The following STAG1 variants were observed in gnomAD, a reference collection of about 807,000 sequenced individuals.
The protein encoded by STAG1 is cohesin subunit SA-1.
In STAG1, 26 loss-of-function variants were observed where a neutral mutation model predicts 170.9. That is an observed-to-expected ratio of 0.15 (90% CI 0.11 to 0.21). The LOEUF is 0.21. Ranked by LOEUF, STAG1 falls within the 10% of genes least tolerant of loss-of-function variation. The pLI is 1.00. For missense variants in STAG1, 964 were observed against 1,509.5 expected, an observed-to-expected ratio of 0.64 and a Z score of 5.99; for synonymous variants, 514 against 497.7, an observed-to-expected ratio of 1.03 and a Z score of -0.44.
chr3:136,593,162 T>C (rs1282990452), intron 4 of STAG1, among the ~76,000 whole-genome samples: 1 of 152,188 alleles, frequency 6.6e-6, no homozygotes, highest in African/African-American at 2.4e-5. Context: ...CACCATGCTC[T>C]GGTCACTCGC....
chr3:136,379,480 G>A (rs951800218), intron 22 of STAG1, among the ~76,000 whole-genome samples: 21 of 152,204 alleles, frequency 1.4e-4, no homozygotes, highest in Admixed American at 1.1e-3. Context: ...AGGCTGAGAC[G>A]GCCAGATCAC....
At chr3:136,406,375 A>T (rs1220167382) in intron 21 of STAG1, among the ~76,000 whole-genome samples, 1 of 152,218 alleles carries the variant, frequency 6.6e-6, no homozygotes, top group Admixed American at 6.5e-5. Flanking sequence ...AAAACAAATC[A>T]CTGATGTCCA....
chr3:136,438,240 C>CTTTTTTTTTT (rs371190637), intron 15 of STAG1, among the ~76,000 whole-genome samples: 2 of 128,206 alleles, frequency 1.6e-5, no homozygotes, highest in Non-Finnish European at 3.2e-5. Context: ...AGTTTCTTTT[C>CTTTTTTTTTT]TTTTTTTTTT....
intron 14 of STAG1, among the ~76,000 whole-genome samples, chr3:136,449,246 G>C (rs892044069): frequency 6.6e-6 from 1 of 151,870 alleles, no homozygotes; most frequent in Non-Finnish European, 1.5e-5. Context: ...ACTATTTGCA[G>C]TTGCTTTTGT....
At chr3:136,513,827 AAAGAT>A (rs1315408509) in intron 7 of STAG1, among the ~76,000 whole-genome samples, 1 of 152,296 alleles carries the variant, frequency 6.6e-6, no homozygotes, top group Non-Finnish European at 1.5e-5. Context: ...AAAGAAAACA[AAAGAT>A]AATAGGGGAT....
intron 1 of STAG1, among the ~76,000 whole-genome samples, chr3:136,639,987 T>A (rs1374296213): frequency 6.6e-6 from 1 of 152,196 alleles, no homozygotes; most frequent in Non-Finnish European, 1.5e-5. Flanking sequence ...AAAGGCCTTA[T>A]CTAATCAACC....
chr3:136,653,954 C>T (rs902314086), intron 1 of STAG1, among the ~76,000 whole-genome samples: 42 of 152,206 alleles, frequency 2.8e-4, no homozygotes, highest in African/African-American at 9.9e-4. Context: ...ATAACAAGAA[C>T]ACTAAGCAAA....
intron 21 of STAG1, among the ~76,000 whole-genome samples, chr3:136,404,215 C>T (rs2087416318): frequency 6.6e-6 from 1 of 152,114 alleles, no homozygotes; most frequent in Non-Finnish European, 1.5e-5. Flanking sequence ...CTCTTTCTGC[C>T]TTGGATTAAC....
At chr3:136,393,442 G>A (rs780935183) in intron 22 of STAG1, among the ~76,000 whole-genome samples, 2 of 152,134 alleles carry the variant, frequency 1.3e-5, no homozygotes, top group Non-Finnish European at 2.9e-5. Flanking sequence ...GGGAGACGGA[G>A]CTTGCAGTGA....
intron 3 of STAG1, among the ~76,000 whole-genome samples, chr3:136,609,959 T>G (rs1056920030): frequency 6.6e-6 from 1 of 151,122 alleles, no homozygotes; most frequent in African/African-American, 2.4e-5. Context: ...GTCCTGAATT[T>G]AAAAAAAAAA....
chr3:136,461,305 A>G (rs1023576316), intron 13 of STAG1, among the ~76,000 whole-genome samples: 4 of 152,204 alleles, frequency 2.6e-5, no homozygotes, highest in African/African-American at 9.6e-5. Context: ...TTTATACAAC[A>G]TAGTACTAAA....
intron 16 of STAG1, among the ~76,000 whole-genome samples, chr3:136,429,416 AAAAGACTACACC>A: frequency 6.6e-6 from 1 of 152,182 alleles, no homozygotes; most frequent in Non-Finnish European, 1.5e-5. Flanking sequence ...TCAAAAACAA[AAAAGACTACACC>A]AGAGGAACTA....
chr3:136,581,383 C>T (rs1937587422), intron 4 of STAG1, among the ~76,000 whole-genome samples: 2 of 152,030 alleles, frequency 1.3e-5, no homozygotes, highest in Non-Finnish European at 2.9e-5. Flanking sequence ...AAAAACAATC[C>T]CTAATATTTT....
In STAG1 at chr3:136,580,518, ATTC is replaced by A. The variant is rs1201807092; in HGVS notation, c.298-11660_298-11658del. ...CTGAGTTTGCATTTATTCTTGTATA[ATTC>A]TTTTTTTTTTTTTTTTTTTTTTTGA... is the stretch of plus-strand genomic sequence containing the variant. On this transcript the variant is annotated intron_variant, in intron 4 of 33. Transcript: ENST00000383202. 4.4e-4 allele frequency among the ~76,000 whole-genome samples: 62 copies of A among 141,350 alleles called. No individual in the cohort carries two copies. The South Asian group carries it at 0.014, about 31-fold the overall frequency. 92.7% of individuals were successfully genotyped at this position (141,350 alleles called of 152,430 possible).
Position 136,338,179 on chromosome 3 carries a change from C to CA in STAG1, c.*74dup. On this transcript the variant is annotated 3_prime_UTR_variant, in exon 34 of 34. Transcript: ENST00000383202. ...AGATCACATCAAAAGTGTTTTTCCC[C>CA]ATACAAGCTATCACAGTATATAGGC... The CA allele has an allele frequency of 1.0e-6, 1 of 985,380 alleles. No individual in the cohort carries two copies. Among genetic ancestry groups the CA allele is most frequent in the South Asian group, 1.4e-5 (1 of 70,320 alleles). The allele number at this position is 985,380 out of a possible 1,614,324, so 61.0% of individuals were successfully genotyped here.
chr3:136,359,722 T>C (rs1417227886), intron 26 of STAG1, among the ~76,000 whole-genome samples: 4 of 152,140 alleles, frequency 2.6e-5, no homozygotes, highest in African/African-American at 9.7e-5. Flanking sequence ...TTGGCCAAGC[T>C]GGTCTCAAAC....
intron 14 of STAG1, among the ~76,000 whole-genome samples, chr3:136,447,596 ATTTTTTTTT>A (rs777110138): frequency 8.1e-5 from 6 of 74,282 alleles, no homozygotes; most frequent in Non-Finnish European, 1.2e-4. Context: ...AAAGCATCAC[ATTTTTTTTT>A]TTTTTTTTTT....
intron 9 of STAG1, among the ~76,000 whole-genome samples, chr3:136,491,423 A>C (rs1174433896): frequency 6.6e-6 from 1 of 152,096 alleles, no homozygotes; most frequent in Non-Finnish European, 1.5e-5. Flanking sequence ...ATTACATTCC[A>C]ATTCACTAAT....
chr3:136,367,597 A>T (rs1475215266), intron 24 of STAG1, among the ~76,000 whole-genome samples: 3 of 152,118 alleles, frequency 2.0e-5, no homozygotes, highest in African/African-American at 7.2e-5. Context: ...AATATTCCTT[A>T]TGTGTTAATA....
Sources: allele counts gnomAD v4.1 joint callset (sites outside exome capture counted in the v4.1 genomes callset), GRCh38; gene constraint gnomAD v4.1.1; transcripts MANE v1.5; gene names NCBI Gene and HGNC (gene_info 2026-07-23, HGNC 2026-07-21).